Variants in TAFA2 observed in about 807,000 individuals in gnomAD.
TAFA2 encodes the protein TAFA chemokine like family member 2.
TAFA2 carries 7 observed loss-of-function variants against 18.8 expected under a neutral mutation model. The ratio of observed to expected loss-of-function variants is 0.37; its 90% CI spans 0.21 to 0.70. The LOEUF (loss-of-function observed/expected upper bound fraction) is 0.70. Among genes scored for constraint, TAFA2 ranks in the 30% least tolerant of loss-of-function variants. The pLI is 0.53. For synonymous variants in TAFA2, 60 were observed against 54.2 expected (o/e 1.11, Z -0.47); for missense variants, 122 against 158.1 (o/e 0.77, Z 1.23).
intron 1 of TAFA2, among the ~76,000 whole-genome samples, chr12:61,870,000 C>G (rs929725350): frequency 6.6e-6 from 1 of 152,142 alleles, no homozygotes; most frequent in African/African-American, 2.4e-5. Context: ...CATCATTTTT[C>G]CATACCATTG....
At chr12:61,934,344 G>T (rs1179825986) in intron 1 of TAFA2, among the ~76,000 whole-genome samples, 4 of 152,100 alleles carry the variant, frequency 2.6e-5, no homozygotes. Flanking sequence ...AGTGACCCAG[G>T]ATCACAAAAT....
chr12:61,742,260 G>T (rs1487775645), intron 4 of TAFA2, among the ~76,000 whole-genome samples: 1 of 152,074 alleles, frequency 6.6e-6, no homozygotes, highest in Non-Finnish European at 1.5e-5. Context: ...TGTATATTCT[G>T]CAGTGTTTAC....
intron 1 of TAFA2, among the ~76,000 whole-genome samples, chr12:62,014,361 A>T (rs1277761627): frequency 1.3e-5 from 2 of 152,136 alleles, no homozygotes; most frequent in African/African-American, 4.8e-5. Flanking sequence ...GTGCGCAGTG[A>T]CTCATGCCTG....
chr12:62,153,856 A>T (rs766141302), intron 1 of TAFA2, among the ~76,000 whole-genome samples: 2 of 152,140 alleles, frequency 1.3e-5, no homozygotes, highest in Non-Finnish European at 2.9e-5. Context: ...TAGAGATGGA[A>T]GTCTCATTAT....
intron 1 of TAFA2, among the ~76,000 whole-genome samples, chr12:62,230,510 T>C (rs2062807772): frequency 6.6e-6 from 1 of 152,210 alleles, no homozygotes; most frequent in Non-Finnish European, 1.5e-5. Context: ...CCATGATTTC[T>C]ATGGTTTTCA....
chr12:62,055,047 C>T (rs1317658749), intron 1 of TAFA2, among the ~76,000 whole-genome samples: 1 of 152,120 alleles, frequency 6.6e-6, no homozygotes, highest in East Asian at 1.9e-4. Flanking sequence ...GAGGTGAGGC[C>T]TTTGAGGCTG....
chr12:61,719,117 C>G (rs951514503), intron 4 of TAFA2, among the ~76,000 whole-genome samples: 1 of 152,134 alleles, frequency 6.6e-6, no homozygotes, highest in Non-Finnish European at 1.5e-5. Flanking sequence ...CAAACCCTAT[C>G]TTGCCTTTGG....
chr12:62,158,844 C>T (rs928823908), intron 1 of TAFA2, among the ~76,000 whole-genome samples: 49 of 152,250 alleles, frequency 3.2e-4, no homozygotes, highest in African/African-American at 1.2e-3. Context: ...GGTTCATGTG[C>T]TTACAAAGTC....
chr12:62,037,971 T>C (rs1214645217), intron 1 of TAFA2, among the ~76,000 whole-genome samples: 1 of 152,158 alleles, frequency 6.6e-6, no homozygotes, highest in Non-Finnish European at 1.5e-5. Flanking sequence ...CACATGAACA[T>C]CTAATCAGTT....
chr12:61,792,944 CCAGT>C (rs1871044215), intron 2 of TAFA2, among the ~76,000 whole-genome samples: 1 of 151,404 alleles, frequency 6.6e-6, no homozygotes, highest in Non-Finnish European at 1.5e-5. Flanking sequence ...GAGAAAATTA[CCAGT>C]CAAATATACA....
Position 61,912,869 on chromosome 12 carries a change from T to C in TAFA2, c.-1-45443A>G, listed in dbSNP as rs1876668698. On this transcript the variant is annotated intron_variant, in intron 1 of 4. Transcript: ENST00000416284. ...TTCAATTCTGATCTTAGTTAGCTTG[T>C]GTAAGAGCTTGTAAGTTTCATCTTT... Among the ~76,000 whole-genome samples, 4 of 152,316 alleles carry C rather than the reference T, an allele frequency of 2.6e-5. No individual in the cohort carries two copies. In the South Asian group the frequency reaches 8.3e-4, roughly 32 times the overall value.
intron 2 of TAFA2, among the ~76,000 whole-genome samples, chr12:61,798,386 G>T (rs1871274965): frequency 6.6e-6 from 1 of 151,948 alleles, no homozygotes; most frequent in Non-Finnish European, 1.5e-5. Context: ...GTGCAGATTT[G>T]TTACATAGGT....
intron 1 of TAFA2, among the ~76,000 whole-genome samples, chr12:62,213,282 A>C (rs956967098): frequency 2.0e-5 from 3 of 152,218 alleles, no homozygotes; most frequent in Non-Finnish European, 4.4e-5. Context: ...TTTATGGATA[A>C]GCTGCCTAGT....
At chr12:61,778,527 G>A (rs1393549587) in intron 2 of TAFA2, among the ~76,000 whole-genome samples, 3 of 151,650 alleles carry the variant, frequency 2.0e-5, no homozygotes, top group Admixed American at 6.6e-5. Context: ...TCTCATGCAT[G>A]ACTTTACTCA....
chr12:62,017,411 A>G (rs748712215), intron 1 of TAFA2, among the ~76,000 whole-genome samples: 6 of 152,190 alleles, frequency 3.9e-5, no homozygotes, highest in Admixed American at 1.3e-4. Flanking sequence ...TTCAGCAAGT[A>G]TATGTATTCT....
At chr12:62,042,401 C>CTGTGTG (rs147189045) in intron 1 of TAFA2, among the ~76,000 whole-genome samples, 117 of 144,084 alleles carry the variant, frequency 8.1e-4, no homozygotes, top group African/African-American at 2.4e-3. Flanking sequence ...GCATTGAAGT[C>CTGTGTG]TGTGTGTGTG....
At chr12:61,725,249 T>C (rs1870106101) in intron 4 of TAFA2, among the ~76,000 whole-genome samples, 2 of 152,158 alleles carry the variant, frequency 1.3e-5, no homozygotes, top group African/African-American at 2.4e-5. Flanking sequence ...TTTACTCTGC[T>C]GATTATTACT....
intron 1 of TAFA2, among the ~76,000 whole-genome samples, chr12:61,988,630 T>A (rs1879895707): frequency 6.6e-6 from 1 of 152,186 alleles, no homozygotes; most frequent in South Asian, 2.1e-4. Flanking sequence ...CTTCTCAGCT[T>A]GACTTCTGAT....
At chr12:62,075,542 C>A (rs1868246865) in intron 1 of TAFA2, among the ~76,000 whole-genome samples, 1 of 152,144 alleles carries the variant, frequency 6.6e-6, no homozygotes, top group Non-Finnish European at 1.5e-5. Context: ...AGACCTGTTC[C>A]TAGACAACTA....
Sources: gnomAD v4.1 joint callset for allele counts (sites outside exome capture counted in the v4.1 genomes callset) on GRCh38, gnomAD v4.1.1 for gene constraint, MANE v1.5 for transcripts, NCBI Gene and HGNC (gene_info 2026-07-23, HGNC 2026-07-21) for gene names.